ROBO1: variants seen among roughly 807,000 people sequenced by gnomAD.
ROBO1 encodes the protein roundabout guidance receptor 1.
ROBO1 carries 149 observed loss-of-function variants against 195.9 expected under a neutral mutation model. The observed-to-expected ratio is 0.76, with a 90% CI of 0.67 to 0.87. The LOEUF (loss-of-function observed/expected upper bound fraction) is 0.87. ROBO1 is among the 40% of genes least tolerant of loss of function. ROBO1 has a pLI of 0.00. For missense variants in ROBO1, 1,933 were observed against 2,068.3 expected, an observed-to-expected ratio of 0.93 and a Z score of 1.27; for synonymous variants, 816 against 733.2, an observed-to-expected ratio of 1.11 and a Z score of -1.82.
At chr3:78,600,436 ACT>A (rs1315366467) in intron 29 of ROBO1, 127 bp from the exon 30 acceptor site, 1 of 653,530 alleles carries the variant, frequency 1.5e-6, no homozygotes, top group East Asian at 2.7e-5. Context: ...AAATGAGGAC[ACT>A]CTATAAGCAT....
rs1031483662 is a variant in ROBO1, at chr3:79,357,337, A to G, written c.89-231798T>C. Among the ~76,000 whole-genome samples the G allele has an allele frequency of 2.2e-4, 34 of 152,270 alleles. No individual in the cohort carries two copies. The South Asian group carries it at 2.9e-3, about 13-fold the overall frequency. Reference sequence around the variant, plus strand: ...AGGCTTCTCTATATATTTAAGGGGCAAAAACCTGTTAGATGTCCATCCCAT... The same window carrying G: ...AGGCTTCTCTATATATTTAAGGGGCGAAAACCTGTTAGATGTCCATCCCAT... On this transcript the variant is annotated intron_variant, in intron 2 of 30. Transcript: ENST00000464233.
intron 1 of ROBO1, among the ~76,000 whole-genome samples, chr3:79,591,702 A>G (rs1944004215): frequency 6.6e-6 from 1 of 151,902 alleles, no homozygotes; most frequent in Non-Finnish European, 1.5e-5. Flanking sequence ...AGAGTTATCC[A>G]TTCAATGTTT....
chr3:79,138,776 T>C (rs1384391292), intron 2 of ROBO1, among the ~76,000 whole-genome samples: 2 of 151,894 alleles, frequency 1.3e-5, no homozygotes, highest in Non-Finnish European at 2.9e-5. Flanking sequence ...GAATTATATT[T>C]AAGTTTTACA....
At chr3:79,092,690 G>A (rs2079501433) in intron 3 of ROBO1, among the ~76,000 whole-genome samples, 1 of 152,086 alleles carries the variant, frequency 6.6e-6, no homozygotes, top group South Asian at 2.1e-4. Context: ...CAAGGATAGA[G>A]AAGTTGAGAA....
At chr3:78,920,715 G>A (rs545526154) in intron 4 of ROBO1, among the ~76,000 whole-genome samples, 51 of 137,596 alleles carry the variant, frequency 3.7e-4, no homozygotes, top group Admixed American at 2.0e-3. Context: ...GCTCACTGCA[G>A]CCTCAACCTC....
intron 2 of ROBO1, among the ~76,000 whole-genome samples, chr3:79,499,968 G>T (rs867643333): frequency 6.6e-6 from 1 of 151,738 alleles, no homozygotes; most frequent in Non-Finnish European, 1.5e-5. Context: ...CAGTATGCCC[G>T]GGTAATTTTT....
At chr3:78,864,534 T>G (rs2035045743) in intron 4 of ROBO1, among the ~76,000 whole-genome samples, 1 of 152,196 alleles carries the variant, frequency 6.6e-6, no homozygotes, top group Non-Finnish European at 1.5e-5. Flanking sequence ...TGAACATTGA[T>G]TAATTTCCTA....
intron 2 of ROBO1, among the ~76,000 whole-genome samples, chr3:79,575,229 T>TATATATATATAAC (rs1943429265): frequency 8.7e-6 from 1 of 114,570 alleles, no homozygotes; most frequent in African/African-American, 3.6e-5. Flanking sequence ...ATATAACAAA[T>TATATATATATAAC]ATATATAAAT....
intron 4 of ROBO1, among the ~76,000 whole-genome samples, chr3:78,766,355 A>C (rs754760735): frequency 6.6e-5 from 10 of 152,182 alleles, no homozygotes; most frequent in Admixed American, 3.3e-4. Context: ...ACATTTTAAA[A>C]ATACTGCTTT....
At chr3:78,950,542 T>C (rs913636953) in intron 3 of ROBO1, among the ~76,000 whole-genome samples, 1 of 148,294 alleles carries the variant, frequency 6.7e-6, no homozygotes, top group Non-Finnish European at 1.5e-5. Context: ...GGATAAGCTT[T>C]AGGAGATATA....
At chr3:79,025,285 C>G (rs2078181975) in intron 3 of ROBO1, among the ~76,000 whole-genome samples, 1 of 152,176 alleles carries the variant, frequency 6.6e-6, no homozygotes. Flanking sequence ...TGTCCAGGTC[C>G]TTTAAACTTA....
At chr3:79,470,088 C>G (rs1425255824) in intron 2 of ROBO1, among the ~76,000 whole-genome samples, 1 of 152,122 alleles carries the variant, frequency 6.6e-6, no homozygotes, top group Non-Finnish European at 1.5e-5. Context: ...CTAAATCGTG[C>G]TGCTATAAAG....
intron 5 of ROBO1, among the ~76,000 whole-genome samples, chr3:78,739,767 C>T (rs771859534): frequency 9.2e-5 from 14 of 152,094 alleles, no homozygotes; most frequent in Non-Finnish European, 2.1e-4. Context: ...CTTGAACATG[C>T]CAAACCCCGG....
intron 1 of ROBO1, among the ~76,000 whole-genome samples, chr3:79,702,559 G>A (rs1244853674): frequency 1.3e-5 from 2 of 151,734 alleles, no homozygotes; most frequent in African/African-American, 4.8e-5. Flanking sequence ...TCCCTCTTCA[G>A]GCATTGGTAT....
chr3:79,372,203 C>CCT (rs2036220674), intron 2 of ROBO1, among the ~76,000 whole-genome samples: 1 of 143,188 alleles, frequency 7.0e-6, no homozygotes, highest in Admixed American at 7.0e-5. Flanking sequence ...TTCTAGCATT[C>CCT]TTTTTTTTTT....
intron 8 of ROBO1, among the ~76,000 whole-genome samples, chr3:78,714,131 C>G (rs557468203): frequency 3.9e-5 from 6 of 152,272 alleles, no homozygotes; most frequent in African/African-American, 1.4e-4. Flanking sequence ...TTCGCCTCTA[C>G]TTGACCAAGA....
At chr3:78,774,708 G>A (rs1224098270) in intron 4 of ROBO1, among the ~76,000 whole-genome samples, 1 of 151,928 alleles carries the variant, frequency 6.6e-6, no homozygotes, top group Non-Finnish European at 1.5e-5. Flanking sequence ...ACAACAATAG[G>A]AATAAGCTGT....
intron 1 of ROBO1, among the ~76,000 whole-genome samples, chr3:79,614,661 G>C (rs1053606067): frequency 6.6e-6 from 1 of 152,006 alleles, no homozygotes. Flanking sequence ...ATAAATGTAA[G>C]ATTTCTGTGC....
chr3:79,422,347 C>G (rs1168692212), intron 2 of ROBO1, among the ~76,000 whole-genome samples: 1 of 151,976 alleles, frequency 6.6e-6, no homozygotes, highest in Non-Finnish European at 1.5e-5. Flanking sequence ...TGCCTGGCAT[C>G]ATCTTCTATG....
Sources: gnomAD v4.1 joint callset for allele counts (sites outside exome capture counted in the v4.1 genomes callset) on GRCh38, gnomAD v4.1.1 for gene constraint, MANE v1.5 for transcripts, NCBI Gene and HGNC (gene_info 2026-07-23, HGNC 2026-07-21) for gene names.